SLIT2: variants seen among roughly 807,000 people sequenced by gnomAD.
SLIT2 encodes the protein slit guidance ligand 2.
A neutral mutation model predicts 185.7 loss-of-function variants in SLIT2; 41 were observed. The observed-to-expected ratio is 0.22, with a 90% CI of 0.17 to 0.29. The LOEUF is 0.29. Ranked by LOEUF, SLIT2 falls within the 10% of genes least tolerant of loss-of-function variation. The pLI is 1.00. For missense variants in SLIT2, 1,571 were observed against 1,909.0 expected (o/e 0.82, Z 3.30); for synonymous variants, 693 against 680.2 (o/e 1.02, Z -0.29).
chr4:20,312,390 A>G (rs1718187835), intron 4 of SLIT2, among the ~76,000 whole-genome samples: 1 of 152,188 alleles, frequency 6.6e-6, no homozygotes, highest in Non-Finnish European at 1.5e-5. Flanking sequence ...ATCATTTTTA[A>G]TTTATGTTCA....
At chr4:20,513,672 T>C (rs1425990491) in intron 11 of SLIT2, among the ~76,000 whole-genome samples, 2 of 152,094 alleles carry the variant, frequency 1.3e-5, no homozygotes, top group African/African-American at 4.8e-5. Flanking sequence ...TAGTATTACA[T>C]CTATCTGTAG....
chr4:20,453,555 A>G (rs557537446), intron 4 of SLIT2, among the ~76,000 whole-genome samples: 1 of 152,200 alleles, frequency 6.6e-6, no homozygotes, highest in African/African-American at 2.4e-5. Context: ...TGTGTTCTAA[A>G]TGTTAGTCTT....
intron 9 of SLIT2, among the ~76,000 whole-genome samples, chr4:20,509,094 C>T (rs949052645): frequency 4.6e-5 from 7 of 151,624 alleles, no homozygotes; most frequent in South Asian, 2.1e-4. Context: ...ATGTATATGA[C>T]ACATATATGG....
chr4:20,585,158 T>C (rs1044321397), intron 29 of SLIT2, among the ~76,000 whole-genome samples: 6 of 152,236 alleles, frequency 3.9e-5, no homozygotes, highest in African/African-American at 1.4e-4. Context: ...AGTTCTGGCA[T>C]TCGCAGATAT....
At chr4:20,530,460 T>C (rs1339546644) in intron 16 of SLIT2, among the ~76,000 whole-genome samples, 1 of 151,962 alleles carries the variant, frequency 6.6e-6, no homozygotes, top group African/African-American at 2.4e-5. Flanking sequence ...ATTTTGTACT[T>C]TTTGTAGAGA....
At chr4:20,589,418 A>G (rs930634054) in intron 29 of SLIT2, among the ~76,000 whole-genome samples, 5 of 152,220 alleles carry the variant, frequency 3.3e-5, no homozygotes, top group Admixed American at 1.3e-4. Flanking sequence ...CACAGATCAC[A>G]ATAGTCCTGT....
At chr4:20,595,564 A>G (rs901826525) in intron 30 of SLIT2, 133 bp from the exon 31 acceptor site, 2 of 1,083,258 alleles carry the variant, frequency 1.8e-6, no homozygotes, top group Non-Finnish European at 2.7e-6. Flanking sequence ...CTAGGTATCC[A>G]TTAATGTGGG....
chr4:20,339,152 C>A (rs1720759927), intron 4 of SLIT2, among the ~76,000 whole-genome samples: 1 of 144,098 alleles, frequency 6.9e-6, no homozygotes, highest in Non-Finnish European at 1.5e-5. Flanking sequence ...AAAAAAATCA[C>A]ATACACTGTA....
intron 1 of SLIT2, among the ~76,000 whole-genome samples, chr4:20,255,510 A>C (rs1276280860): frequency 6.6e-6 from 1 of 152,178 alleles, no homozygotes; most frequent in Admixed American, 6.5e-5. Flanking sequence ...TTTTAGGAAC[A>C]ACTGAATGGT....
At chr4:20,382,117 C>CAGAT (rs1724576674) in intron 4 of SLIT2, among the ~76,000 whole-genome samples, 1 of 151,930 alleles carries the variant, frequency 6.6e-6, no homozygotes, top group Non-Finnish European at 1.5e-5. Flanking sequence ...AATATATTAA[C>CAGAT]AGATTTTTTT....
At chr4:20,486,876 T>C (rs1001211422) in intron 7 of SLIT2, among the ~76,000 whole-genome samples, 4 of 152,042 alleles carry the variant, frequency 2.6e-5, no homozygotes, top group African/African-American at 9.7e-5. Flanking sequence ...GGACTTTAAG[T>C]TATAGAATAT....
intron 32 of SLIT2, 123 bp downstream of exon 32, chr4:20,596,778 A>C: frequency 1.1e-6 from 1 of 931,606 alleles, no homozygotes; most frequent in Non-Finnish European, 1.6e-6. Flanking sequence ...AAAACAGAAA[A>C]TGCTCCTTGT....
chr4:20,600,214 GT>G (rs1245011573), intron 33 of SLIT2, among the ~76,000 whole-genome samples: 1 of 151,736 alleles, frequency 6.6e-6, no homozygotes, highest in African/African-American at 2.4e-5. Flanking sequence ...CATAGTAAAG[GT>G]TTTTGGTTTG....
At chr4:20,594,122 T>TGTGCATATATATACATATATACACAC (rs1303870921) in intron 30 of SLIT2, among the ~76,000 whole-genome samples, 101 of 148,222 alleles carry the variant, frequency 6.8e-4, no homozygotes, top group African/African-American at 2.3e-3. Flanking sequence ...TATATACACA[T>TGTGCATATATATACATATATACACAC]GTGCATATAT....
chr4:20,327,555 A>G (rs145875146), intron 4 of SLIT2, among the ~76,000 whole-genome samples: 34 of 152,174 alleles, frequency 2.2e-4, no homozygotes, highest in Non-Finnish European at 4.4e-4. Flanking sequence ...GGCAAGCATT[A>G]TTTGTAATTA....
chr4:20,352,070 A>G (rs949272852), intron 4 of SLIT2, among the ~76,000 whole-genome samples: 2 of 152,156 alleles, frequency 1.3e-5, no homozygotes, highest in African/African-American at 4.8e-5. Context: ...TTCTCAGTTT[A>G]TGCTGGCAAA....
chr4:20,419,667 C>CTGTGTGTGTGTGTG lies in SLIT2; in HGVS notation c.396-48055_396-48042dup, dbSNP rs55679047. On this transcript the variant is annotated intron_variant, in intron 4 of 36. Coordinates refer to ENST00000504154, the MANE Select transcript of SLIT2 (RefSeq NM_004787.4). Reference sequence around the variant, plus strand: ...GTTGCTGTTAAGGGTAAGTTTTAAGCTGTGTGTGTGTGTGTGTGTGTGTGT... The same window carrying CTGTGTGTGTGTGTG: ...GTTGCTGTTAAGGGTAAGTTTTAAGCTGTGTGTGTGTGTGTGTGTGTGTGTGTGTGTGTGTGTGT... 4.3e-3 allele frequency among the ~76,000 whole-genome samples: 598 copies of CTGTGTGTGTGTGTG among 138,060 alleles called. 8 individuals are homozygous for CTGTGTGTGTGTGTG. The highest frequency in any genetic ancestry group is 0.014 in the African/African-American group (498 of 36,464). The allele number at this position is 138,060 out of a possible 152,430, so 90.6% of individuals were successfully genotyped here. A position where few individuals can be genotyped will look rare whatever the true frequency, so the allele number is the denominator to read the frequency against.
intron 30 of SLIT2, among the ~76,000 whole-genome samples, chr4:20,593,555 C>T (rs1310910128): frequency 6.6e-6 from 1 of 151,988 alleles, no homozygotes; most frequent in East Asian, 1.9e-4. Context: ...GATCTAATAT[C>T]ACAGCATGGT....
chr4:20,585,887 AT>A (rs1727019713), intron 29 of SLIT2, among the ~76,000 whole-genome samples: 1 of 152,206 alleles, frequency 6.6e-6, no homozygotes, highest in South Asian at 2.1e-4. Flanking sequence ...CCAAGTAAAA[AT>A]GGCATCATGT....
Sources: allele counts gnomAD v4.1 joint callset (sites outside exome capture counted in the v4.1 genomes callset), GRCh38; gene constraint gnomAD v4.1.1; transcripts MANE v1.5; gene names NCBI Gene and HGNC (gene_info 2026-07-23, HGNC 2026-07-21).